The following PI4KA variants were observed in gnomAD, a reference collection of about 807,000 sequenced individuals.
The protein encoded by PI4KA is PI4-kinase alpha.
Under a neutral mutation model 271.4 loss-of-function variants are expected in PI4KA, and 122 were observed. The ratio of observed to expected loss-of-function variants is 0.45; its 90% CI spans 0.39 to 0.52. The LOEUF (loss-of-function observed/expected upper bound fraction) is 0.52, where lower values mean the gene tolerates loss of function less well. Among genes scored for constraint, PI4KA ranks in the 20% least tolerant of loss-of-function variants. PI4KA has a pLI of 0.00. For missense variants in PI4KA, 1,969 were observed against 2,769.1 expected, an observed-to-expected ratio of 0.71 and a Z score of 6.48; for synonymous variants, 1,041 against 1,078.8, an observed-to-expected ratio of 0.96 and a Z score of 0.69.
chr22:20,833,657 G>GTTT (rs361962), intron 3 of PI4KA, among the ~76,000 whole-genome samples: 12 of 73,042 alleles, frequency 1.6e-4, no homozygotes, highest in Non-Finnish European at 2.6e-4. Flanking sequence ...GTTTGTTTTT[G>GTTT]TTTTTTTTTT....
chr22:20,767,788 C>G (rs1389492863), intron 19 of PI4KA, among the ~76,000 whole-genome samples: 1 of 151,942 alleles, frequency 6.6e-6, no homozygotes, highest in African/African-American at 2.4e-5. Context: ...GCATGCACCA[C>G]TATGCTCAGC....
chr22:20,800,698 TA>T (rs61390860), intron 14 of PI4KA, among the ~76,000 whole-genome samples: 7,950 of 119,342 alleles, frequency 0.067, 246 homozygotes, highest in African/African-American at 0.1. Context: ...CCATCTCTAC[TA>T]AAAAAAAAAA....
chr22:20,779,322 T>C, intron 19 of PI4KA: 3 of 1,614,150 alleles, frequency 1.9e-6, no homozygotes, highest in African/African-American at 1.3e-5. Flanking sequence ...AATGAAACAC[T>C]CATTAAACGC....
At chr22:20,714,863 C>T (rs1303353963) in intron 45 of PI4KA, among the ~76,000 whole-genome samples, 163 bp from the exon 46 acceptor site, 2 of 152,194 alleles carry the variant, frequency 1.3e-5, no homozygotes, top group African/African-American at 4.8e-5. Context: ...ACTTATTATT[C>T]CATGGCCGCT....
intron 3 of PI4KA, among the ~76,000 whole-genome samples, chr22:20,832,728 T>A (rs1924353690): frequency 6.6e-6 from 1 of 152,222 alleles, no homozygotes; most frequent in Non-Finnish European, 1.5e-5. Context: ...GTGCAGAGAT[T>A]ACAGGTGTGA....
intron 36 of PI4KA, among the ~76,000 whole-genome samples, chr22:20,730,868 ACTT>A (rs1297017821): frequency 1.3e-5 from 2 of 151,774 alleles, no homozygotes; most frequent in African/African-American, 4.8e-5. Context: ...CTACACCTGG[ACTT>A]CTTCTAGCCT....
At chr22:20,744,292 G>A (rs1929812152) in intron 30 of PI4KA, among the ~76,000 whole-genome samples, 1 of 152,006 alleles carries the variant, frequency 6.6e-6, no homozygotes, top group African/African-American at 2.4e-5. Flanking sequence ...TATAAAACTG[G>A]AATAATAATA....
At chr22:20,713,065 A>C in intron 48 of PI4KA, 1 of 660,716 alleles carries the variant, frequency 1.5e-6, no homozygotes, top group East Asian at 2.7e-5. Flanking sequence ...CAGTTCCCTC[A>C]GGTGGGCACT....
At position 20,783,201 on chromosome 22, in the gene PI4KA, C is replaced by G. The variant is rs1227945812; in HGVS notation, c.2328+9992G>C. ...CATGGGCTTATTCCTGGATACACAG[C>G]ACTGTCCCCATATCTACAGTGGTGA... On this transcript the variant is annotated intron_variant, in intron 19 of 54. Transcript: ENST00000255882. Among the ~76,000 whole-genome samples the G allele has an allele frequency of 7.9e-5, 12 of 152,312 alleles. No individual in the cohort carries two copies. The East Asian group carries it at 2.1e-3, about 27-fold the overall frequency.
intron 19 of PI4KA, among the ~76,000 whole-genome samples, chr22:20,790,736 ACACAC>A (rs1441118773): frequency 4.0e-5 from 6 of 150,430 alleles, no homozygotes; most frequent in South Asian, 2.1e-4. Context: ...ACACACACAC[ACACAC>A]AACAAAAAAA....
rs1058579 is a variant in PI4KA, at chr22:20,707,787, G to A, written c.*260C>T. 7 of 566,926 alleles carry A rather than the reference G, an allele frequency of 1.2e-5. No homozygotes were observed. The highest frequency in any genetic ancestry group is 7.5e-5 in the African/African-American group (4 of 53,012). 35.1% of individuals were successfully genotyped at this position (566,926 alleles called of 1,614,324 possible). A position where few individuals can be genotyped will look rare whatever the true frequency, so the allele number is the denominator to read the frequency against. ...AATACTTCATGTACCTATGAAATAA[G>A]ACAGGTAGGGAATATGTCCAGTGCA... On this transcript the variant is annotated 3_prime_UTR_variant, in exon 55 of 55. Transcript: ENST00000255882.
At chr22:20,721,207 G>A (rs1347365336) in intron 43 of PI4KA, 91 bp downstream of exon 43, 1 of 1,390,126 alleles carries the variant, frequency 7.2e-7, no homozygotes. Context: ...CTGGGGCAGT[G>A]CAGGCTGGCG....
intron 19 of PI4KA, among the ~76,000 whole-genome samples, chr22:20,791,019 G>A (rs907036140): frequency 1.7e-4 from 26 of 152,218 alleles, no homozygotes; most frequent in Admixed American, 1.6e-3. Context: ...CCGGAGAGGC[G>A]CAGGCTCACA....
chr22:20,711,178 C>T lies in PI4KA; in HGVS notation c.5923+163G>A, dbSNP rs376698204. ...TGGGGCCGGGGCCAGGCACCCTCTACAGCAGAACAGCTTGGTGGCCGACAG... is the reference window on the plus strand; with the variant it reads ...TGGGGCCGGGGCCAGGCACCCTCTATAGCAGAACAGCTTGGTGGCCGACAG... On this transcript the variant is annotated intron_variant, in intron 51 of 54. Transcript: ENST00000255882. 84 of 556,966 alleles carry T rather than the reference C, an allele frequency of 1.5e-4. 1 individual carries two copies. In the East Asian group the frequency reaches 1.6e-3, roughly 11 times the overall value. The allele number at this position is 556,966 out of a possible 1,614,324, so 34.5% of individuals were successfully genotyped here.
At chr22:20,787,445 A>G (rs1056980356) in intron 19 of PI4KA, 1 of 348,378 alleles carries the variant, frequency 2.9e-6, no homozygotes, top group African/African-American at 2.1e-5. Flanking sequence ...TCATCTGAAT[A>G]CCAAGCACAG....
chr22:20,751,410 G>A, intron 26 of PI4KA, 34 bp from the exon 27 acceptor site: 2 of 1,593,190 alleles, frequency 1.3e-6, no homozygotes, highest in Non-Finnish European at 1.7e-6. Flanking sequence ...CTTCCAAACT[G>A]CCTTCCCCAA....
intron 6 of PI4KA, among the ~76,000 whole-genome samples, chr22:20,819,433 T>G (rs1411233390): frequency 6.6e-6 from 1 of 152,078 alleles, no homozygotes; most frequent in East Asian, 1.9e-4. Context: ...TGTTTTATAT[T>G]TTTATGGCCA....
Position 20,796,280 on chromosome 22 carries a change from T to C in PI4KA, c.2143A>G (p.Asn715Asp). ...CSLAVINALANIAANIQDEHL... is the reference protein window; with the variant it reads ...CSLAVINALADIAANIQDEHL... Reference sequence around the variant, plus strand: ...TCGTCTTGGATGTTGGCCGCGATGTTGGCCAGGGCATTAATCACTGCCAGG... The same window carrying C: ...TCGTCTTGGATGTTGGCCGCGATGTCGGCCAGGGCATTAATCACTGCCAGG... The change falls in exon 18 of 55, where the codon AAC (asparagine) becomes GAC (aspartate). Residue 715 changes from asparagine to aspartate, a missense_variant. Around this residue, in one of 13 missense-constraint regions of PI4KA, gnomAD observed 368 missense variants for 544.3 expected, o/e 0.68. Coordinates refer to ENST00000255882, the MANE Select transcript of PI4KA (RefSeq NM_058004.4). 1 of 1,614,030 alleles carries C rather than the reference T, an allele frequency of 6.2e-7. No individual in the cohort carries two copies.
chr22:20,725,016 A>T (rs1340740595), intron 42 of PI4KA, among the ~76,000 whole-genome samples: 2 of 152,174 alleles, frequency 1.3e-5, no homozygotes, highest in African/African-American at 2.4e-5. Context: ...CTACCTAGTG[A>T]GGGCAGTGAA....
Sources: allele counts gnomAD v4.1 joint callset (sites outside exome capture counted in the v4.1 genomes callset), GRCh38; gene constraint gnomAD v4.1.1; regional missense constraint gnomAD v4.1.1; transcripts MANE v1.5; gene names NCBI Gene and HGNC (gene_info 2026-07-23, HGNC 2026-07-21).